The following WDFY2 variants were observed in gnomAD, a reference collection of about 807,000 sequenced individuals.
WDFY2 encodes WD repeat and FYVE domain containing 2.
Under a neutral mutation model 56.4 loss-of-function variants are expected in WDFY2, and 36 were observed. The observed-to-expected ratio is 0.64, with a 90% confidence interval of 0.49 to 0.84. WDFY2 has a LOEUF of 0.84. Among genes scored for constraint, WDFY2 ranks in the 40% least tolerant of loss-of-function variants. The pLI, the probability that WDFY2 is intolerant of heterozygous loss-of-function variation, is 0.00. For synonymous variants in WDFY2, 176 were observed against 183.7 expected, an observed-to-expected ratio of 0.96 and a Z score of 0.34; for missense variants, 444 against 512.2, an observed-to-expected ratio of 0.87 and a Z score of 1.29.
intron 9 of WDFY2, among the ~76,000 whole-genome samples, chr13:51,755,809 C>T (rs1209183986): frequency 6.6e-6 from 1 of 152,162 alleles, no homozygotes; most frequent in Non-Finnish European, 1.5e-5. Context: ...TACTTTCCCT[C>T]CTTCTGATTA....
At chr13:51,623,269 A>G (rs1223352413) in intron 1 of WDFY2, among the ~76,000 whole-genome samples, 1 of 152,186 alleles carries the variant, frequency 6.6e-6, no homozygotes, top group African/African-American at 2.4e-5. Context: ...GGCCAGGCCA[A>G]AAGACATAAA....
In WDFY2 at chr13:51,764,251, C is replaced by A. The variant is rs1180328881; in HGVS notation, c.*4482C>A. 1 of 152,166 alleles carries A rather than the reference C, an allele frequency of 6.6e-6. No homozygotes were observed. Among genetic ancestry groups the A allele is most frequent in the Non-Finnish European group, 1.5e-5 (1 of 68,046 alleles). 9.4% of individuals were successfully genotyped at this position (152,166 alleles called of 1,614,324 possible). ...GTCTGAGGCCCATTCTCAGGCTGGG[C>A]AGAGGTCACACAGTGAGTAAATGGG... On this transcript the variant is annotated 3_prime_UTR_variant, in exon 12 of 12. Coordinates refer to ENST00000298125, the MANE Select transcript of WDFY2 (RefSeq NM_052950.4).
rs1953547682 is a variant in WDFY2 at position 51,760,509 on chromosome 13, AT to A, written c.*742del. On this transcript the variant is annotated 3_prime_UTR_variant, in exon 12 of 12. Coordinates refer to ENST00000298125, the MANE Select transcript of WDFY2 (RefSeq NM_052950.4). ...CCAACCATGGTTATCACAGAAGTAGATTATTTTAACTCAGAGCTTCAACGAT... is the reference window on the plus strand; with the variant it reads ...CCAACCATGGTTATCACAGAAGTAGATATTTTAACTCAGAGCTTCAACGAT... 1 of 152,020 alleles carries A rather than the reference AT, an allele frequency of 6.6e-6. No homozygotes were observed. The highest frequency in any genetic ancestry group is 1.5e-5 in the Non-Finnish European group (1 of 68,014). 9.4% of individuals were successfully genotyped at this position (152,020 alleles called of 1,614,324 possible).
intron 1 of WDFY2, among the ~76,000 whole-genome samples, chr13:51,656,526 C>T (rs1445840137): frequency 6.6e-6 from 1 of 151,856 alleles, no homozygotes; most frequent in Non-Finnish European, 1.5e-5. Context: ...TAGTGTTGTT[C>T]AAGTCTTCTG....
In WDFY2 at chr13:51,762,286, G is replaced by C. The variant is rs934204891; in HGVS notation, c.*2517G>C. 1.3e-5 allele frequency: 2 copies of C among 152,186 alleles called. No individual in the cohort carries two copies. The highest frequency in any genetic ancestry group is 2.9e-5 in the Non-Finnish European group (2 of 68,098). The allele number at this position is 152,186 out of a possible 1,614,324, so 9.4% of individuals were successfully genotyped here. A position where few individuals can be genotyped will look rare whatever the true frequency, so the allele number is the denominator to read the frequency against. ...CTCATTCGGGAAGCAGAGTGTCCCC[G>C]TCAGATCACATATGTCCTCTACAGT... On this transcript the variant is annotated 3_prime_UTR_variant, in exon 12 of 12. Coordinates refer to ENST00000298125, the MANE Select transcript of WDFY2 (RefSeq NM_052950.4).
Position 51,727,753 on chromosome 13 carries a change from A to C in WDFY2, c.561A>C (p.Glu187Asp). The C allele has an allele frequency of 1.2e-6, 2 of 1,614,186 alleles. No individual in the cohort carries two copies. Among genetic ancestry groups the C allele is most frequent in the Non-Finnish European group, 1.7e-6 (2 of 1,180,034 alleles). ...GQVTILKLEQ[E>D]NCTLVTTFRG... ...TAACAATCCTCAAACTGGAGCAAGA[A>C]AACTGCACCCTGGTCACAACATTCA... The change falls in exon 6 of 12, where the codon GAA becomes GAC. Residue 187 changes from glutamate (E) to aspartate (D), a missense_variant. By Grantham distance (45) the Glu-to-Asp change is conservative (BLOSUM62 2). Coordinates refer to ENST00000298125, the MANE Select transcript of WDFY2 (RefSeq NM_052950.4).
At chr13:51,622,569 G>C (rs1156540773) in intron 1 of WDFY2, among the ~76,000 whole-genome samples, 2 of 152,214 alleles carry the variant, frequency 1.3e-5, no homozygotes, top group Non-Finnish European at 2.9e-5. Context: ...GCCTGGTGGA[G>C]GGCAGATTCC....
intron 2 of WDFY2, among the ~76,000 whole-genome samples, chr13:51,673,950 CT>C (rs1339084680): frequency 6.6e-6 from 1 of 152,010 alleles, no homozygotes; most frequent in African/African-American, 2.4e-5. Context: ...TTTAGAAGGT[CT>C]TTTTGTTGTT....
In WDFY2 at chr13:51,584,495, G is replaced by T. The variant is rs187807199; in HGVS notation, c.-193G>T. The T allele has an allele frequency of 6.1e-5, 43 of 702,476 alleles. No individual in the cohort carries two copies. Among genetic ancestry groups the T allele is most frequent in the African/African-American group, 5.4e-4 (29 of 53,998 alleles). The allele number at this position is 702,476 out of a possible 1,614,324, so 43.5% of individuals were successfully genotyped here. ...GCCGGCTTGCATCCCAGGTCGTGGC[G>T]GTTTTGGTGCCTGAAGCAGGGAGCG... On this transcript the variant is annotated 5_prime_UTR_variant, in exon 1 of 12. Coordinates refer to ENST00000298125, the MANE Select transcript of WDFY2 (RefSeq NM_052950.4).
chr13:51,631,330 G>T (rs1954948112), intron 1 of WDFY2, among the ~76,000 whole-genome samples: 1 of 150,848 alleles, frequency 6.6e-6, no homozygotes, highest in Admixed American at 6.6e-5. Context: ...ATTTCAGTCA[G>T]CAGTGAGCCA....
intron 3 of WDFY2, among the ~76,000 whole-genome samples, chr13:51,685,450 A>G (rs1956044657): frequency 6.6e-6 from 1 of 152,232 alleles, no homozygotes; most frequent in South Asian, 2.1e-4. Flanking sequence ...GTTGACTGGA[A>G]GCCTTACTGA....
chr13:51,738,949 C>A, intron 6 of WDFY2, 100 bp from the exon 7 acceptor site: 1 of 1,289,564 alleles, frequency 7.8e-7, no homozygotes, highest in Non-Finnish European at 1.0e-6. Context: ...TTATTGTATG[C>A]CAGGAACTGC....
At chr13:51,619,855 T>C (rs1356299199) in intron 1 of WDFY2, among the ~76,000 whole-genome samples, 17 of 152,232 alleles carry the variant, frequency 1.1e-4, no homozygotes, top group Admixed American at 1.0e-3. Context: ...GGCGTTTGCC[T>C]TATTTGAACC....
intron 3 of WDFY2, among the ~76,000 whole-genome samples, chr13:51,676,713 G>T (rs1440025059): frequency 2.0e-5 from 3 of 152,156 alleles, no homozygotes; most frequent in African/African-American, 7.2e-5. Context: ...ACATTTGGTA[G>T]ATCTGTAAAC....
intron 7 of WDFY2, among the ~76,000 whole-genome samples, chr13:51,747,089 C>A (rs1046647678): frequency 6.6e-6 from 1 of 152,334 alleles, no homozygotes; most frequent in East Asian, 1.9e-4. Flanking sequence ...ACAAATAGTT[C>A]TTTTCCATGA....
intron 1 of WDFY2, among the ~76,000 whole-genome samples, chr13:51,659,526 GT>G (rs1955572834): frequency 6.6e-6 from 1 of 152,170 alleles, no homozygotes; most frequent in South Asian, 2.1e-4. Flanking sequence ...TCCTACTTGT[GT>G]TTGCCTTGCT....
intron 3 of WDFY2, among the ~76,000 whole-genome samples, chr13:51,675,846 G>T (rs1955877576): frequency 6.6e-6 from 1 of 152,204 alleles, no homozygotes; most frequent in Non-Finnish European, 1.5e-5. Context: ...AGTGATTAAA[G>T]ATTGGAATTT....
At chr13:51,693,312 G>A (rs1484804506) in intron 3 of WDFY2, among the ~76,000 whole-genome samples, 1 of 151,630 alleles carries the variant, frequency 6.6e-6, no homozygotes, top group Non-Finnish European at 1.5e-5. Context: ...TTTCTCTTGT[G>A]GGCATTTAGT....
chr13:51,730,541 C>T (rs541229839), intron 6 of WDFY2, among the ~76,000 whole-genome samples: 1 of 152,286 alleles, frequency 6.6e-6, no homozygotes, highest in South Asian at 2.1e-4. Flanking sequence ...TCCTCAAATT[C>T]TTCACAACCC....
Sources: gnomAD v4.1 joint callset for allele counts (sites outside exome capture counted in the v4.1 genomes callset) on GRCh38, gnomAD v4.1.1 for gene constraint, MANE v1.5 for transcripts, NCBI Gene and HGNC (gene_info 2026-07-23, HGNC 2026-07-21) for gene names.